RASGRP3: variants seen among roughly 807,000 people sequenced by gnomAD.
RASGRP3 encodes ras guanyl-releasing protein 3.
RASGRP3 carries 54 observed loss-of-function variants against 82.7 expected under a neutral mutation model. The observed-to-expected ratio is 0.65, with a 90% CI of 0.52 to 0.82. The LOEUF (loss-of-function observed/expected upper bound fraction) is 0.82, where lower values mean the gene tolerates loss of function less well. Ranked by LOEUF, RASGRP3 falls within the 40% of genes least tolerant of loss-of-function variation. RASGRP3 has a pLI of 0.00. For missense variants in RASGRP3, 861 were observed against 828.9 expected (o/e 1.04, Z -0.48); for synonymous variants, 309 against 300.5 (o/e 1.03, Z -0.29).
chr2:33,556,696 T>A (rs945275964), intron 15 of RASGRP3, among the ~76,000 whole-genome samples: 1 of 152,202 alleles, frequency 6.6e-6, no homozygotes, highest in Admixed American at 6.5e-5. Flanking sequence ...TCATTTTGCA[T>A]GAACAAAAAG....
At chr2:33,489,198 G>A (rs909332964) in intron 1 of RASGRP3, among the ~76,000 whole-genome samples, 32 of 152,152 alleles carry the variant, frequency 2.1e-4, no homozygotes, top group African/African-American at 7.7e-4. Flanking sequence ...AACCAAATAT[G>A]TCAATAGTAC....
intron 2 of RASGRP3, among the ~76,000 whole-genome samples, chr2:33,448,673 TAG>T (rs2150881378): frequency 6.6e-6 from 1 of 152,142 alleles, no homozygotes; most frequent in Non-Finnish European, 1.5e-5. Context: ...AAAGGGAGAA[TAG>T]AGAGTTATTT....
chr2:33,504,337 C>CA (rs1237407195), intron 1 of RASGRP3, among the ~76,000 whole-genome samples: 1 of 152,036 alleles, frequency 6.6e-6, no homozygotes, highest in Non-Finnish European at 1.5e-5. Flanking sequence ...CTGTCTCTGT[C>CA]ACCAGACTTA....
chr2:33,440,961 C>T (rs1464257969), intron 1 of RASGRP3, among the ~76,000 whole-genome samples: 1 of 152,096 alleles, frequency 6.6e-6, no homozygotes, highest in Non-Finnish European at 1.5e-5. Flanking sequence ...GGCACAAGCT[C>T]GGCTTGCTGC....
intron 1 of RASGRP3, among the ~76,000 whole-genome samples, chr2:33,483,206 T>A (rs1668086685): frequency 6.6e-6 from 1 of 152,170 alleles, no homozygotes; most frequent in Non-Finnish European, 1.5e-5. Flanking sequence ...AAGTTTCTAT[T>A]TGAATAGATT....
intron 2 of RASGRP3, among the ~76,000 whole-genome samples, chr2:33,448,714 GT>G (rs1665630272): frequency 6.6e-6 from 1 of 152,078 alleles, no homozygotes; most frequent in African/African-American, 2.4e-5. Context: ...TCTGTTTGGT[GT>G]GATAAAAAAG....
intron 2 of RASGRP3, among the ~76,000 whole-genome samples, chr2:33,468,678 G>A (rs1483674977): frequency 6.6e-6 from 1 of 152,146 alleles, no homozygotes; most frequent in African/African-American, 2.4e-5. Context: ...GGGATTACAG[G>A]TGTGAACCAC....
chr2:33,494,117 C>G (rs1230574474), intron 1 of RASGRP3, among the ~76,000 whole-genome samples: 1 of 152,094 alleles, frequency 6.6e-6, no homozygotes, highest in African/African-American at 2.4e-5. Flanking sequence ...TCATTTTGGC[C>G]TTGGGGCTCT....
At chr2:33,482,077 A>ATGAG (rs1667984817) in intron 1 of RASGRP3, 1 of 149,800 alleles carries the variant, frequency 6.7e-6, no homozygotes, top group Non-Finnish European at 1.5e-5. Flanking sequence ...GCAGTGGCAC[A>ATGAG]ATCTCGGCTC....
At position 33,509,399 on chromosome 2, in the gene RASGRP3, CA is replaced by C. The variant is rs74781951; in HGVS notation, c.-260-2299del. Among the ~76,000 whole-genome samples the C allele has an allele frequency of 1.5e-3, 221 of 143,668 alleles. 1 individual carries two copies. Among genetic ancestry groups the C allele is most frequent in the Admixed American group, 2.2e-3 (32 of 14,546 alleles). The allele number at this position is 143,668 out of a possible 152,430, so 94.3% of individuals were successfully genotyped here. A position where few individuals can be genotyped will look rare whatever the true frequency, so the allele number is the denominator to read the frequency against. ...CCTGGGCAACAGAGCAAGACCATCT[CA>C]AAAAAAAAAAATCCAGATATGATCA... On this transcript the variant is annotated intron_variant, in intron 1 of 17. Coordinates refer to ENST00000403687, the MANE Select transcript of RASGRP3 (RefSeq NM_001139488.2).
rs1677025915 is a variant in RASGRP3 at position 33,564,425 on chromosome 2, T to TTCA, written c.*1690_*1692dup. 1 of 152,216 alleles carries TTCA rather than the reference T, an allele frequency of 6.6e-6. No homozygotes were observed. The highest frequency in any genetic ancestry group is 1.5e-5 in the Non-Finnish European group (1 of 68,038). The allele number at this position is 152,216 out of a possible 1,614,324, so 9.4% of individuals were successfully genotyped here. On this transcript the variant is annotated 3_prime_UTR_variant, in exon 18 of 18. Coordinates refer to ENST00000403687, the MANE Select transcript of RASGRP3 (RefSeq NM_001139488.2). ...AAGGCAGCCATCCCTAGATGTTGGT[T>TTCA]TCATGTATATTACACTATCTACTAC...
chr2:33,468,610 CAGGATGGT>C (rs1666862859), intron 2 of RASGRP3, among the ~76,000 whole-genome samples: 2 of 152,116 alleles, frequency 1.3e-5, no homozygotes, highest in African/African-American at 4.8e-5. Context: ...CCATGTGGGC[CAGGATGGT>C]CTTGATCTCC....
rs200636689 is a variant in RASGRP3 at position 33,520,698 on chromosome 2, C to T, written c.368+14C>T. The T allele has an allele frequency of 3.0e-5, 49 of 1,613,362 alleles. No individual in the cohort carries two copies. The highest frequency in any genetic ancestry group is 1.6e-4 in the Middle Eastern group (1 of 6,062). On this transcript the variant is annotated intron_variant, in intron 6 of 17. Coordinates refer to ENST00000403687, the MANE Select transcript of RASGRP3 (RefSeq NM_001139488.2). ...CATATCCAGCATGTAAGAGTGGCAC[C>T]GACGTCTTTCACACCCAATAAGTCC... is the stretch of plus-strand genomic sequence containing the variant.
chr2:33,445,339 T>C (rs1574219094), intron 1 of RASGRP3, among the ~76,000 whole-genome samples: 1 of 152,238 alleles, frequency 6.6e-6, no homozygotes, highest in South Asian at 2.1e-4. Flanking sequence ...GATCACATTT[T>C]TGGTTCTTGT....
At chr2:33,499,223 TC>T (rs1669623042) in intron 1 of RASGRP3, among the ~76,000 whole-genome samples, 1 of 152,048 alleles carries the variant, frequency 6.6e-6, no homozygotes, top group Non-Finnish European at 1.5e-5. Context: ...ACCACCTGTC[TC>T]CCTGGCTTTG....
intron 13 of RASGRP3, 62 bp downstream of exon 13, chr2:33,543,689 G>A: frequency 8.6e-7 from 1 of 1,163,350 alleles, no homozygotes. Context: ...TATTATCAGA[G>A]GAGAGAAGGG....
At chr2:33,523,170 T>A (rs898273203) in intron 7 of RASGRP3, among the ~76,000 whole-genome samples, 5 of 152,084 alleles carry the variant, frequency 3.3e-5, no homozygotes, top group African/African-American at 1.2e-4. Context: ...TCACCAGCAG[T>A]GTGTTAAAAA....
In RASGRP3 at chr2:33,520,541, G is replaced by T. The variant is rs781516332; in HGVS notation, c.237-12G>T. The T allele has an allele frequency of 2.5e-6, 4 of 1,612,116 alleles. No homozygotes were observed. The highest frequency in any genetic ancestry group is 4.5e-5 in the East Asian group (2 of 44,846). On this transcript the variant is annotated splice_polypyrimidine_tract_variant and intron_variant, in intron 5 of 17. Transcript: ENST00000403687. ...AATCTTCCAGCTGCCAAAAATATTT[G>T]ATGCCTTTCAGGTACTGGATTCTGA... is the stretch of plus-strand genomic sequence containing the variant.
intron 1 of RASGRP3, among the ~76,000 whole-genome samples, chr2:33,441,260 C>T (rs907904339): frequency 2.6e-5 from 4 of 152,136 alleles, no homozygotes; most frequent in South Asian, 2.1e-4. Flanking sequence ...TCCCTTTCCC[C>T]CCTCCTCCCA....
Sources: gnomAD v4.1 joint callset for allele counts (sites outside exome capture counted in the v4.1 genomes callset) on GRCh38, gnomAD v4.1.1 for gene constraint, MANE v1.5 for transcripts, NCBI Gene and HGNC (gene_info 2026-07-23, HGNC 2026-07-21) for gene names.